Variants in C10orf143 observed in about 807,000 individuals in gnomAD.
C10orf143 encodes chromosome 10 open reading frame 143.
intron 1 of C10orf143, among the ~76,000 whole-genome samples, chr10:130,108,757 T>C (rs976267476): frequency 6.6e-6 from 1 of 152,248 alleles, no homozygotes; most frequent in African/African-American, 2.4e-5. Context: ...TGTGTCTTTA[T>C]GCCAACAACT....
At chr10:130,093,782 G>T (rs1003446872) in intron 1 of C10orf143, among the ~76,000 whole-genome samples, 1 of 152,098 alleles carries the variant, frequency 6.6e-6, no homozygotes, top group Non-Finnish European at 1.5e-5. Context: ...GGAGGCCGAG[G>T]CGGGCGGATC....
chr10:130,107,765 G>T lies in C10orf143; in HGVS notation c.69+2939C>A, dbSNP rs545181606. 10 of 1,237,132 alleles carry T rather than the reference G, an allele frequency of 8.1e-6. No individual in the cohort carries two copies. The Middle Eastern group carries it at 7.6e-4, about 94-fold the overall frequency. The allele number at this position is 1,237,132 out of a possible 1,614,324, so 76.6% of individuals were successfully genotyped here. ...CCATCAGATTACCAAGGAAAGAGGA[G>T]AATCAAGCTGTGAAAGGTTAACCGA... On this transcript the variant is annotated intron_variant, in intron 1 of 3. Coordinates refer to ENST00000637128, the MANE Select transcript of C10orf143 (RefSeq NM_001355042.2).
At chr10:130,103,887 C>T (rs1030848767) in intron 1 of C10orf143, among the ~76,000 whole-genome samples, 10 of 151,292 alleles carry the variant, frequency 6.6e-5, no homozygotes, top group Non-Finnish European at 1.2e-4. Flanking sequence ...AAAATATTAT[C>T]GACTTGATTT....
chr10:130,054,373 G>C (rs1037094587), intron 3 of C10orf143, among the ~76,000 whole-genome samples: 1 of 152,178 alleles, frequency 6.6e-6, no homozygotes, highest in East Asian at 1.9e-4. Context: ...TAAAGACTGA[G>C]TAATATTCCA....
chr10:130,046,449 T>C (rs1860674202), intron 3 of C10orf143, among the ~76,000 whole-genome samples: 1 of 151,832 alleles, frequency 6.6e-6, no homozygotes, highest in African/African-American at 2.4e-5. Flanking sequence ...TAATTATGTG[T>C]GACATAAAAA....
intron 1 of C10orf143, among the ~76,000 whole-genome samples, chr10:130,099,498 T>G (rs908561331): frequency 6.7e-6 from 1 of 149,876 alleles, no homozygotes; most frequent in African/African-American, 2.5e-5. Context: ...ACTCTGAATC[T>G]TCTTCTTTTA....
chr10:130,069,401 T>C (rs1860993649), intron 3 of C10orf143, among the ~76,000 whole-genome samples: 1 of 152,204 alleles, frequency 6.6e-6, no homozygotes, highest in South Asian at 2.1e-4. Context: ...AGAAAATCTG[T>C]CGCTAGAAGA....
rs533486392 is a variant in C10orf143 at position 130,046,156 on chromosome 10, G to A, written c.298-10186C>T. On this transcript the variant is annotated intron_variant and NMD_transcript_variant, in intron 3 of 5. Coordinates refer to the C10orf143 transcript ENST00000643056. ...CACAGGAAGGGGCAGGGCACGAGGAGTGGGGCGAGAGGTGCTAAGTGGGGC... is the reference window on the plus strand; with the variant it reads ...CACAGGAAGGGGCAGGGCACGAGGAATGGGGCGAGAGGTGCTAAGTGGGGC... Among the ~76,000 whole-genome samples, 502 of 151,540 alleles carry A rather than the reference G, an allele frequency of 3.3e-3. 3 individuals carry two copies. The highest frequency in any genetic ancestry group is 0.012 in the African/African-American group (482 of 41,284).
intron 3 of C10orf143, among the ~76,000 whole-genome samples, chr10:130,049,063 C>T (rs982643191): frequency 4.6e-5 from 7 of 152,240 alleles, no homozygotes; most frequent in African/African-American, 1.7e-4. Context: ...CGCAGCTGGC[C>T]CCTAGGACTC....
At chr10:130,108,037 C>G in intron 1 of C10orf143, 1 of 1,484,356 alleles carries the variant, frequency 6.7e-7, no homozygotes, top group African/African-American at 1.4e-5. Flanking sequence ...GAAATGACAC[C>G]AAAGATGATC....
At chr10:130,109,153 TCTC>T (rs1861715986) in intron 1 of C10orf143, among the ~76,000 whole-genome samples, 2 of 152,026 alleles carry the variant, frequency 1.3e-5, no homozygotes, top group South Asian at 2.1e-4. Flanking sequence ...CTCTGCCACT[TCTC>T]CTCTGACACA....
intron 3 of C10orf143, among the ~76,000 whole-genome samples, chr10:130,044,601 A>G (rs933467801): frequency 3.3e-5 from 5 of 152,172 alleles, no homozygotes; most frequent in African/African-American, 9.7e-5. Flanking sequence ...TACAAAGTGC[A>G]CCCAGCTGCA....
intron 1 of C10orf143, among the ~76,000 whole-genome samples, chr10:130,096,725 T>C (rs961035601): frequency 2.0e-5 from 3 of 150,158 alleles, no homozygotes; most frequent in African/African-American, 7.4e-5. Flanking sequence ...AGGGCACAGA[T>C]AGCATTAGAA....
At chr10:130,100,851 A>G (rs1861537006) in intron 1 of C10orf143, among the ~76,000 whole-genome samples, 1 of 152,336 alleles carries the variant, frequency 6.6e-6, no homozygotes, top group South Asian at 2.1e-4. Flanking sequence ...ACAACTATCA[A>G]GAAGCTTAAT....
intron 1 of C10orf143, chr10:130,106,615 C>G: frequency 1.5e-6 from 2 of 1,361,678 alleles, no homozygotes; most frequent in Non-Finnish European, 2.1e-6. Context: ...TAGCTGAAGC[C>G]AAAATGATCT....
intron 1 of C10orf143, among the ~76,000 whole-genome samples, chr10:130,086,351 C>A (rs976110065): frequency 6.6e-6 from 1 of 152,186 alleles, no homozygotes; most frequent in Non-Finnish European, 1.5e-5. Flanking sequence ...CTCCTATGTA[C>A]ACTAGTTAAA....
intron 1 of C10orf143, among the ~76,000 whole-genome samples, chr10:130,085,919 T>C (rs1861284596): frequency 6.6e-6 from 1 of 152,212 alleles, no homozygotes; most frequent in Non-Finnish European, 1.5e-5. Flanking sequence ...CCCTTGTGTA[T>C]GAGATAAACA....
At chr10:130,049,842 G>A (rs1860716687) in intron 3 of C10orf143, among the ~76,000 whole-genome samples, 1 of 152,118 alleles carries the variant, frequency 6.6e-6, no homozygotes. Flanking sequence ...AAAAGTCAAA[G>A]GAAATGACTT....
At chr10:130,060,677 A>G (rs1475952657), downstream of C10orf143, among the ~76,000 whole-genome samples, 1 of 151,990 alleles carries the variant, frequency 6.6e-6, no homozygotes, top group East Asian at 1.9e-4. Context: ...CAAAAAAATT[A>G]GCCGGGCGTG....
Sources: allele counts gnomAD v4.1 joint callset (sites outside exome capture counted in the v4.1 genomes callset), GRCh38; gene constraint gnomAD v4.1.1; transcripts MANE v1.5; gene names NCBI Gene and HGNC (gene_info 2026-07-23, HGNC 2026-07-21).